The following PHF21A variants were observed in gnomAD, a reference collection of about 807,000 sequenced individuals.
PHF21A encodes the protein PHD finger protein 21A.
In PHF21A, 11 loss-of-function variants were observed where a neutral mutation model predicts 82.5. The observed-to-expected ratio is 0.13, with a 90% CI of 0.08 to 0.22. The LOEUF (loss-of-function observed/expected upper bound fraction) is 0.22, where lower values mean the gene tolerates loss of function less well. Ranked by LOEUF, PHF21A falls within the 10% of genes least tolerant of loss-of-function variation. The pLI is 1.00. For synonymous variants in PHF21A, 297 were observed against 302.8 expected, an observed-to-expected ratio of 0.98 and a Z score of 0.20; for missense variants, 579 against 837.8, an observed-to-expected ratio of 0.69 and a Z score of 3.81.
intron 7 of PHF21A, among the ~76,000 whole-genome samples, chr11:45,978,957 A>G (rs1349780921): frequency 6.6e-6 from 1 of 151,416 alleles, no homozygotes; most frequent in African/African-American, 2.4e-5. Context: ...GAACAAATAC[A>G]TTTTCTTATA....
chr11:46,063,365 T>C (rs2096558769), intron 6 of PHF21A, among the ~76,000 whole-genome samples: 1 of 152,226 alleles, frequency 6.6e-6, no homozygotes, highest in Non-Finnish European at 1.5e-5. Flanking sequence ...AGAGTAAGAT[T>C]GGCAAACTTT....
intron 6 of PHF21A, among the ~76,000 whole-genome samples, chr11:46,014,418 G>C (rs2095473400): frequency 6.6e-6 from 1 of 152,148 alleles, no homozygotes; most frequent in Non-Finnish European, 1.5e-5. Context: ...ACTGTTGATG[G>C]ACACCTAGGT....
In PHF21A at chr11:45,979,162, G is replaced by A. The variant is rs528991673; in HGVS notation, c.360+598C>T. ...CTGCCGAGTAGCTGGGATTACAGGC[G>A]CCTGCTACCAGGCCTGGCTAATTTT... On this transcript the variant is annotated intron_variant, in intron 7 of 18. Transcript: ENST00000676320. Among the ~76,000 whole-genome samples, 537 of 152,012 alleles carry A rather than the reference G, an allele frequency of 3.5e-3. 2 individuals carry two copies. The highest frequency in any genetic ancestry group is 5.4e-3 in the Non-Finnish European group (367 of 67,986).
chr11:46,015,400 C>T (rs1158611791), intron 6 of PHF21A, among the ~76,000 whole-genome samples: 1 of 152,018 alleles, frequency 6.6e-6, no homozygotes, highest in Non-Finnish European at 1.5e-5. Context: ...GAGGACTTAG[C>T]CATAAATTCT....
intron 7 of PHF21A, among the ~76,000 whole-genome samples, chr11:45,976,477 A>G (rs1002270621): frequency 2.6e-5 from 4 of 152,224 alleles, no homozygotes; most frequent in Admixed American, 6.5e-5. Flanking sequence ...ATAATGATAT[A>G]CCAGACTTTT....
At chr11:46,077,408 T>A (rs1474080492) in intron 5 of PHF21A, among the ~76,000 whole-genome samples, 1 of 152,232 alleles carries the variant, frequency 6.6e-6, no homozygotes, top group East Asian at 1.9e-4. Flanking sequence ...AAAAAAAGAA[T>A]ACTATTTTAG....
intron 6 of PHF21A, among the ~76,000 whole-genome samples, chr11:45,985,222 C>T (rs138727043): frequency 1.3e-3 from 195 of 152,338 alleles, no homozygotes; most frequent in Non-Finnish European, 1.9e-3. Context: ...TGATAAGTCA[C>T]ACCAATATTC....
intron 6 of PHF21A, among the ~76,000 whole-genome samples, chr11:46,038,731 C>T (rs1405211942): frequency 2.0e-5 from 3 of 152,116 alleles, no homozygotes; most frequent in Non-Finnish European, 4.4e-5. Context: ...AGCATGCTAG[C>T]ATACTTGCTC....
At position 46,049,471 on chromosome 11, in the gene PHF21A, G is replaced by C. The variant is rs936794052; in HGVS notation, c.153+27283C>G. ...TACAGTGGCATCTGCAAGCCAAATA[G>C]AACTGGTAGAGGGAAACAGATGGCT... On this transcript the variant is annotated intron_variant, in intron 6 of 18. Transcript: ENST00000676320. 1.0e-4 allele frequency: 46 copies of C among 456,124 alleles called. No individual in the cohort carries two copies. The highest frequency in any genetic ancestry group is 3.5e-4 in the Admixed American group (15 of 42,550). 28.3% of individuals were successfully genotyped at this position (456,124 alleles called of 1,614,324 possible). A position where few individuals can be genotyped will look rare whatever the true frequency, so the allele number is the denominator to read the frequency against.
intron 6 of PHF21A, among the ~76,000 whole-genome samples, chr11:45,985,047 G>A: frequency 6.6e-6 from 1 of 152,076 alleles, no homozygotes; most frequent in Non-Finnish European, 1.5e-5. Flanking sequence ...AAATCTTTCT[G>A]GGTCTTCAGA....
intron 6 of PHF21A, among the ~76,000 whole-genome samples, chr11:46,016,154 T>C (rs2095514037): frequency 6.6e-6 from 1 of 152,136 alleles, no homozygotes. Context: ...CAACAGAAAA[T>C]TTTTAGCTCC....
At chr11:45,934,881 A>C in intron 18 of PHF21A, 1 of 360,842 alleles carries the variant, frequency 2.8e-6, no homozygotes, top group Non-Finnish European at 5.5e-6. Flanking sequence ...GAGGTGTTAA[A>C]TCTGCATGCC....
Position 45,929,393 on chromosome 11 carries a change from C to G in PHF21A, c.*4575G>C, listed in dbSNP as rs1214151407. The G allele has an allele frequency of 6.5e-6, 1 of 153,318 alleles. No homozygotes were observed. The highest frequency in any genetic ancestry group is 2.4e-5 in the African/African-American group (1 of 41,142). The allele number at this position is 153,318 out of a possible 1,614,324, so 9.5% of individuals were successfully genotyped here. A position where few individuals can be genotyped will look rare whatever the true frequency, so the allele number is the denominator to read the frequency against. On this transcript the variant is annotated 3_prime_UTR_variant, in exon 19 of 19. Coordinates refer to ENST00000676320, the MANE Select transcript of PHF21A (RefSeq NM_001352027.3). ...ACAAATTGATCAGCTGCTCTGTATC[C>G]CCCCCCACCCCCTCAAAACAAAAAC... is the stretch of plus-strand genomic sequence containing the variant.
intron 6 of PHF21A, among the ~76,000 whole-genome samples, chr11:46,061,359 GTTTAATA>G (rs2096532886): frequency 6.6e-6 from 1 of 152,098 alleles, no homozygotes; most frequent in Admixed American, 6.6e-5. Context: ...CTCAATGGTC[GTTTAATA>G]GGAATAGCAT....
At chr11:45,954,867 C>T (rs1342207529) in intron 10 of PHF21A, among the ~76,000 whole-genome samples, 1 of 152,162 alleles carries the variant, frequency 6.6e-6, no homozygotes, top group Non-Finnish European at 1.5e-5. Context: ...TTTGGTCCTA[C>T]AAACAAGACA....
In PHF21A at chr11:45,949,439, G is replaced by A. The variant is rs1028726600; in HGVS notation, c.1190C>T (p.Ala397Val). Residue 397 changes from alanine to valine, a missense_variant, in exon 13 of 19, where the codon GCA (alanine) becomes GTA (valine). Physicochemically the swap from Ala to Val is moderately conservative, Grantham distance 64 (BLOSUM62 0). This residue lies in a region of PHF21A where 410 missense variants were observed against 642.1 expected (regional missense o/e 0.64). Coordinates refer to ENST00000676320, the MANE Select transcript of PHF21A (RefSeq NM_001352027.3). ...KRQERKRRTT[A>V]NPVYSGAVFE... ...GACTGCTCCACTGTAGACCGGATTT[G>A]CTGTTGTTCTTCTTTTTCGCTCTTG... is the stretch of plus-strand genomic sequence containing the variant. 6.2e-7 allele frequency: 1 copy of A among 1,614,182 alleles called. No homozygotes were observed. The highest frequency in any genetic ancestry group is 8.5e-7 in the Non-Finnish European group (1 of 1,180,000).
chr11:45,941,898 A>C (rs1480321444), intron 15 of PHF21A, among the ~76,000 whole-genome samples: 2 of 152,240 alleles, frequency 1.3e-5, no homozygotes, highest in Non-Finnish European at 2.9e-5. Flanking sequence ...CTTCTCATAA[A>C]AATGATGATA....
At chr11:46,016,130 T>G (rs908010933) in intron 6 of PHF21A, among the ~76,000 whole-genome samples, 1 of 152,218 alleles carries the variant, frequency 6.6e-6, no homozygotes, top group Non-Finnish European at 1.5e-5. Flanking sequence ...CAAGTAGTTA[T>G]GATGGCTACT....
chr11:45,940,370 A>G (rs907531209), intron 15 of PHF21A, among the ~76,000 whole-genome samples: 2 of 151,916 alleles, frequency 1.3e-5, no homozygotes, highest in South Asian at 2.1e-4. Context: ...TAACTTTTAT[A>G]TTTTTAGTAG....
Sources: gnomAD v4.1 joint callset for allele counts (sites outside exome capture counted in the v4.1 genomes callset) on GRCh38, gnomAD v4.1.1 for gene constraint, gnomAD v4.1.1 regional missense constraint, MANE v1.5 for transcripts, NCBI Gene and HGNC (gene_info 2026-07-23, HGNC 2026-07-21) for gene names.